The following PTPRM variants were observed in gnomAD, a reference collection of about 807,000 sequenced individuals.
PTPRM encodes receptor-type tyrosine-protein phosphatase mu.
Under a neutral mutation model 186.7 loss-of-function variants are expected in PTPRM, and 47 were observed. The observed-to-expected ratio is 0.25, with a 90% CI of 0.20 to 0.32. PTPRM has a LOEUF of 0.32. PTPRM is among the 10% of genes least tolerant of loss of function. The probability of loss-of-function intolerance (pLI) is 1.00; values close to 1 mark genes in which losing one functional copy is unlikely to be tolerated. For synonymous variants in PTPRM, 668 were observed against 674.9 expected, an observed-to-expected ratio of 0.99 and a Z score of 0.16; for missense variants, 1,494 against 1,865.0, an observed-to-expected ratio of 0.80 and a Z score of 3.66.
chr18:7,588,404 T>A (rs1447105600), intron 1 of PTPRM, among the ~76,000 whole-genome samples: 1 of 152,190 alleles, frequency 6.6e-6, no homozygotes, highest in Non-Finnish European at 1.5e-5. Context: ...TTATGAGGAT[T>A]GACTATCATT....
At chr18:8,386,950 AT>A in intron 30 of PTPRM, 121 bp from the exon 31 acceptor site, 1 of 1,050,592 alleles carries the variant, frequency 9.5e-7, no homozygotes. Context: ...CACGTTGGTA[AT>A]TTGTAGGCAG....
chr18:7,606,987 A>C (rs1008414001), intron 1 of PTPRM, among the ~76,000 whole-genome samples: 2 of 151,952 alleles, frequency 1.3e-5, no homozygotes, highest in Non-Finnish European at 2.9e-5. Context: ...GGGCTCCCAG[A>C]ATTTTACTTG....
chr18:7,789,501 C>T (rs2043237235), intron 2 of PTPRM, among the ~76,000 whole-genome samples: 2 of 152,100 alleles, frequency 1.3e-5, no homozygotes, highest in Admixed American at 6.6e-5. Context: ...CATGAAGTGG[C>T]ATAGACTTGC....
chr18:8,008,861 T>C (rs1245027453), intron 7 of PTPRM, among the ~76,000 whole-genome samples: 1 of 152,216 alleles, frequency 6.6e-6, no homozygotes, highest in Admixed American at 6.5e-5. Flanking sequence ...ATACAAGAGC[T>C]GAGTCTTGAC....
At chr18:8,321,180 C>T (rs894524221) in intron 22 of PTPRM, among the ~76,000 whole-genome samples, 1 of 152,102 alleles carries the variant, frequency 6.6e-6, no homozygotes, top group African/African-American at 2.4e-5. Flanking sequence ...TTTGTAAATT[C>T]GTGTGAAAAT....
chr18:7,903,124 C>T (rs1414220018), intron 3 of PTPRM, among the ~76,000 whole-genome samples: 2 of 152,202 alleles, frequency 1.3e-5, no homozygotes, highest in Non-Finnish European at 1.5e-5. Context: ...GCTGTTCTAT[C>T]CATGATATAT....
intron 1 of PTPRM, among the ~76,000 whole-genome samples, chr18:7,710,161 A>G (rs2040181937): frequency 6.6e-6 from 1 of 152,358 alleles, no homozygotes; most frequent in East Asian, 1.9e-4. Context: ...AATAACAGCT[A>G]TCCAAATCCA....
rs576593935 is a variant in PTPRM, at chr18:7,877,025, G to A, written c.197-11081G>A. Reference sequence around the variant, plus strand: ...AAACATTTGGAAGAGTGCTCAGCACGTATTAAATATCATGTAAGTGTTAGC... The same window carrying A: ...AAACATTTGGAAGAGTGCTCAGCACATATTAAATATCATGTAAGTGTTAGC... On this transcript the variant is annotated intron_variant, in intron 2 of 32. Coordinates refer to ENST00000580170, the MANE Select transcript of PTPRM (RefSeq NM_001105244.2). Among the ~76,000 whole-genome samples the A allele has an allele frequency of 2.8e-4, 42 of 152,136 alleles. No individual in the cohort carries two copies. The South Asian group carries it at 7.1e-3, about 26-fold the overall frequency.
chr18:7,965,565 T>C (rs1220673917), intron 7 of PTPRM, among the ~76,000 whole-genome samples: 1 of 152,178 alleles, frequency 6.6e-6, no homozygotes, highest in African/African-American at 2.4e-5. Context: ...TTGTTCACCA[T>C]AGGGCTGCTT....
intron 2 of PTPRM, among the ~76,000 whole-genome samples, chr18:7,802,520 A>G (rs1052919151): frequency 1.3e-5 from 2 of 152,052 alleles, no homozygotes; most frequent in African/African-American, 4.8e-5. Context: ...ACTCGTTGGC[A>G]TCAGCATTTA....
chr18:7,778,074 T>C (rs2042677533), intron 2 of PTPRM, among the ~76,000 whole-genome samples: 1 of 152,218 alleles, frequency 6.6e-6, no homozygotes, highest in South Asian at 2.1e-4. Context: ...CTTTTTACTT[T>C]TTCTGTGTCT....
intron 14 of PTPRM, among the ~76,000 whole-genome samples, chr18:8,145,502 G>A (rs2092861564): frequency 6.6e-6 from 1 of 152,152 alleles, no homozygotes. Context: ...GCCCCAGGGT[G>A]TGATGTTCCC....
At chr18:8,158,571 A>G (rs1408800367) in intron 14 of PTPRM, among the ~76,000 whole-genome samples, 1 of 152,156 alleles carries the variant, frequency 6.6e-6, no homozygotes, top group African/African-American at 2.4e-5. Context: ...AAATAGTCCA[A>G]TTTCTAACCT....
At chr18:7,768,468 G>C (rs887010220) in intron 1 of PTPRM, among the ~76,000 whole-genome samples, 4 of 152,160 alleles carry the variant, frequency 2.6e-5, no homozygotes, top group African/African-American at 9.7e-5. Flanking sequence ...ACTCAAGCCT[G>C]AGCAGCAGAA....
intron 7 of PTPRM, among the ~76,000 whole-genome samples, chr18:8,056,343 T>A (rs1190686039): frequency 1.3e-5 from 2 of 152,164 alleles, no homozygotes; most frequent in Non-Finnish European, 2.9e-5. Flanking sequence ...TAATCGCACA[T>A]TAGGGCTGGT....
intron 20 of PTPRM, among the ~76,000 whole-genome samples, chr18:8,303,159 C>T (rs532787585): frequency 8.5e-5 from 13 of 152,074 alleles, no homozygotes; most frequent in African/African-American, 3.1e-4. Flanking sequence ...CAGAACTGCT[C>T]AGCGGTGCAG....
chr18:8,216,893 T>A (rs1217197560), intron 14 of PTPRM, among the ~76,000 whole-genome samples: 1 of 152,256 alleles, frequency 6.6e-6, no homozygotes, highest in Non-Finnish European at 1.5e-5. Flanking sequence ...GTGCAAGGTT[T>A]CCCTCTCTGG....
intron 1 of PTPRM, among the ~76,000 whole-genome samples, chr18:7,773,720 A>G (rs1453305844): frequency 3.3e-5 from 5 of 151,928 alleles, no homozygotes; most frequent in Non-Finnish European, 7.4e-5. Flanking sequence ...AGCTGGGATT[A>G]CAGGTGCCTG....
chr18:7,700,250 C>G (rs1227061054), intron 1 of PTPRM, among the ~76,000 whole-genome samples: 2 of 152,186 alleles, frequency 1.3e-5, no homozygotes, highest in African/African-American at 2.4e-5. Context: ...AGTTAAGACT[C>G]TCAGTGCTGA....
Sources: gnomAD v4.1 joint callset for allele counts (sites outside exome capture counted in the v4.1 genomes callset) on GRCh38, gnomAD v4.1.1 for gene constraint, MANE v1.5 for transcripts, NCBI Gene and HGNC (gene_info 2026-07-23, HGNC 2026-07-21) for gene names.